LRRC66: variants seen among roughly 807,000 people sequenced by gnomAD.
The protein encoded by LRRC66 is leucine-rich repeat-containing protein 66.
A neutral mutation model predicts 24.6 loss-of-function variants in LRRC66; 29 were observed. That is an observed-to-expected ratio of 1.18 (90% confidence interval 0.88 to 1.61). The LOEUF is 1.61. Ranked by LOEUF, LRRC66 falls within the 40% of genes most tolerant of loss-of-function variation. The probability of loss-of-function intolerance (pLI) is 0.00; values close to 1 mark genes in which losing one functional copy is unlikely to be tolerated. For synonymous variants in LRRC66, 411 were observed against 397.6 expected, an observed-to-expected ratio of 1.03 and a Z score of -0.40; for missense variants, 1,124 against 1,058.0, an observed-to-expected ratio of 1.06 and a Z score of -0.87.
Position 51,994,417 on chromosome 4 carries a change from C to G in LRRC66, c.2605G>C (p.Ala869Pro). The G allele has an allele frequency of 6.2e-7, 1 of 1,613,780 alleles. No individual in the cohort carries two copies. The highest frequency in any genetic ancestry group is 8.5e-7 in the Non-Finnish European group (1 of 1,179,936). Residue 869 changes from alanine (A) to proline (P), a missense_variant, in exon 5 of 5, where the codon GCT becomes CCT. By Grantham distance (27) the Ala-to-Pro change is conservative (BLOSUM62 -1). Coordinates refer to ENST00000682860, the MANE Select transcript of LRRC66 (RefSeq NM_001024611.3). ...SAEVPSDPDK[A>P]AFHERDSDIL... is the part of the protein sequence containing the mutation. ...TCTGAGTCTCTTTCATGGAAGGCAG[C>G]CTTATCAGGATCTGAGGGAACTTCA...
intron 2 of LRRC66, among the ~76,000 whole-genome samples, chr4:52,004,295 G>A (rs1736526224): frequency 6.6e-6 from 1 of 152,122 alleles, no homozygotes; most frequent in South Asian, 2.1e-4. Context: ...GGCATAAGCC[G>A]CCACACCCGG....
intron 2 of LRRC66, among the ~76,000 whole-genome samples, chr4:52,004,149 C>T (rs1044199098): frequency 1.3e-5 from 2 of 152,090 alleles, no homozygotes; most frequent in African/African-American, 4.8e-5. Context: ...ATTACAGGCG[C>T]CTGCCACCAT....
At chr4:52,015,204 G>A (rs536688640) in intron 2 of LRRC66, among the ~76,000 whole-genome samples, 3 of 152,042 alleles carry the variant, frequency 2.0e-5, no homozygotes, top group Non-Finnish European at 2.9e-5. Flanking sequence ...TAGGCTCCAC[G>A]TTCATTGTCC....
rs866468443 is a variant in LRRC66 at position 52,003,369 on chromosome 4, G to A, written c.520C>T (p.Gln174Ter). 1 of 1,612,348 alleles carries A rather than the reference G, an allele frequency of 6.2e-7. No individual in the cohort carries two copies. Among genetic ancestry groups the A allele is most frequent in the Non-Finnish European group, 8.5e-7 (1 of 1,179,520 alleles). ...CCATTGAATGACAGATCCAAACTCT[G>A]CAATGACTTCAGTTTCCACAGTCCT... The part of the protein sequence containing the change: ...PKGLWKLKSL[Q>*]SLDLSFNGIL... The change falls in exon 3 of 5, where the codon CAG becomes TAG. Residue 174 changes from glutamine (Q) to a stop codon, truncating the protein, a stop_gained. Transcript: ENST00000682860. LOFTEE classifies it high-confidence loss of function.
intron 2 of LRRC66, among the ~76,000 whole-genome samples, chr4:52,006,082 A>C (rs543686545): frequency 6.6e-6 from 1 of 152,312 alleles, no homozygotes; most frequent in South Asian, 2.1e-4. Context: ...TCAGTGCTTA[A>C]TTGAATTGAG....
chr4:51,997,119 G>A (rs1459597876), intron 4 of LRRC66, among the ~76,000 whole-genome samples: 1 of 152,082 alleles, frequency 6.6e-6, no homozygotes, highest in Non-Finnish European at 1.5e-5. Context: ...TTCTAGATAT[G>A]AGGTTGAGAT....
At chr4:52,016,863 T>TA (rs1337516990) in intron 2 of LRRC66, among the ~76,000 whole-genome samples, 2 of 152,210 alleles carry the variant, frequency 1.3e-5, no homozygotes, top group African/African-American at 4.8e-5. Flanking sequence ...ATTTAGCACT[T>TA]AAATACTTCC....
chr4:52,000,311 C>T (rs1736419628), intron 3 of LRRC66, among the ~76,000 whole-genome samples: 1 of 152,156 alleles, frequency 6.6e-6, no homozygotes, highest in African/African-American at 2.4e-5. Context: ...GAAAATACAA[C>T]AGATGAAGGG....
chr4:51,999,880 G>C (rs890214221), intron 3 of LRRC66, among the ~76,000 whole-genome samples: 1 of 152,170 alleles, frequency 6.6e-6, no homozygotes, highest in African/African-American at 2.4e-5. Context: ...AATGGGATAA[G>C]ATTAGGAAAA....
intron 2 of LRRC66, 103 bp downstream of exon 2, chr4:52,017,015 C>T: frequency 7.8e-7 from 1 of 1,285,204 alleles, no homozygotes; most frequent in South Asian, 1.5e-5. Context: ...AATTGCTTTA[C>T]TTTCAGCTGT....
intron 4 of LRRC66, among the ~76,000 whole-genome samples, chr4:51,996,902 G>C (rs1480138167): frequency 2.0e-5 from 3 of 152,186 alleles, no homozygotes; most frequent in Non-Finnish European, 2.9e-5. Context: ...AAAATATTCA[G>C]TTTTCTTTAC....
chr4:52,009,545 TAA>T (rs1736653315), intron 2 of LRRC66, among the ~76,000 whole-genome samples: 2 of 152,184 alleles, frequency 1.3e-5, no homozygotes, highest in African/African-American at 4.8e-5. Context: ...GTGTCAATAA[TAA>T]GAGAGGTGGC....
At chr4:52,001,941 C>G (rs1459279447) in intron 3 of LRRC66, among the ~76,000 whole-genome samples, 1 of 152,234 alleles carries the variant, frequency 6.6e-6, no homozygotes, top group African/African-American at 2.4e-5. Context: ...CCATGTCCAT[C>G]AGCCACTTAT....
intron 3 of LRRC66, among the ~76,000 whole-genome samples, chr4:52,002,669 G>C (rs1736483339): frequency 6.6e-6 from 1 of 152,356 alleles, no homozygotes; most frequent in South Asian, 2.1e-4. Context: ...GTTTAGAACT[G>C]CATGTGGCAC....
intron 4 of LRRC66, among the ~76,000 whole-genome samples, chr4:51,997,493 C>T (rs1267721260): frequency 6.6e-6 from 1 of 152,136 alleles, no homozygotes; most frequent in Non-Finnish European, 1.5e-5. Flanking sequence ...GGAATTCCTC[C>T]TTTTCACCAA....
At chr4:52,010,783 T>A (rs1736683346) in intron 2 of LRRC66, among the ~76,000 whole-genome samples, 1 of 152,160 alleles carries the variant, frequency 6.6e-6, no homozygotes, top group Non-Finnish European at 1.5e-5. Context: ...GCATGTGTCT[T>A]TTTTGTAGAA....
chr4:52,001,157 C>T (rs898726327), intron 3 of LRRC66, among the ~76,000 whole-genome samples: 2 of 152,086 alleles, frequency 1.3e-5, no homozygotes, highest in Non-Finnish European at 2.9e-5. Flanking sequence ...ACTAATCATA[C>T]CTAAAACTAA....
intron 2 of LRRC66, among the ~76,000 whole-genome samples, chr4:52,015,632 T>C (rs1433978012): frequency 6.6e-6 from 1 of 152,188 alleles, no homozygotes; most frequent in African/African-American, 2.4e-5. Context: ...GTTATATCTC[T>C]AGTACACTTG....
rs557829280 is a variant in LRRC66 at position 52,006,955 on chromosome 4, A to G, written c.497-3563T>C. ...GTAGGTGGAGCTGGAATCAAAACCTAGATCTCTTAATCATTACCCTTTAAC... is the reference window on the plus strand; with the variant it reads ...GTAGGTGGAGCTGGAATCAAAACCTGGATCTCTTAATCATTACCCTTTAAC... On this transcript the variant is annotated intron_variant, in intron 2 of 4. Coordinates refer to ENST00000682860, the MANE Select transcript of LRRC66 (RefSeq NM_001024611.3). Among the ~76,000 whole-genome samples the G allele has an allele frequency of 5.9e-4, 90 of 152,244 alleles. 1 individual carries two copies. The South Asian group carries it at 7.5e-3, about 13-fold the overall frequency.
Sources: gnomAD v4.1 joint callset for allele counts (sites outside exome capture counted in the v4.1 genomes callset) on GRCh38, gnomAD v4.1.1 for gene constraint, MANE v1.5 for transcripts, NCBI Gene and HGNC (gene_info 2026-07-23, HGNC 2026-07-21) for gene names.